Variants in TRPC4AP observed in about 807,000 individuals in gnomAD.
TRPC4AP encodes the protein transient receptor potential cation channel subfamily C member 4 associated protein.
TRPC4AP carries 45 observed loss-of-function variants against 99.0 expected under a neutral mutation model. The observed-to-expected ratio is 0.45, with a 90% CI of 0.36 to 0.58. The LOEUF (loss-of-function observed/expected upper bound fraction) is 0.58, where lower values mean the gene tolerates loss of function less well. Among genes scored for constraint, TRPC4AP ranks in the 20% least tolerant of loss-of-function variants. TRPC4AP has a pLI of 0.00. For missense variants in TRPC4AP, 879 were observed against 985.3 expected, an observed-to-expected ratio of 0.89 and a Z score of 1.44; for synonymous variants, 408 against 385.8, an observed-to-expected ratio of 1.06 and a Z score of -0.67.
At chr20:35,018,621 AAAAAAG>A (rs1376977969) in intron 9 of TRPC4AP, among the ~76,000 whole-genome samples, 5 of 151,284 alleles carry the variant, frequency 3.3e-5, no homozygotes, top group African/African-American at 1.2e-4. Context: ...AAAAAAAAAA[AAAAAAG>A]AAAGAAAGAA....
intron 6 of TRPC4AP, among the ~76,000 whole-genome samples, chr20:35,048,327 T>G (rs942111021): frequency 6.6e-6 from 1 of 151,846 alleles, no homozygotes; most frequent in African/African-American, 2.4e-5. Context: ...TTCTCATGCC[T>G]TAGCCTCCCA....
chr20:35,078,214 T>C, intron 1 of TRPC4AP, 40 bp from the exon 2 acceptor site: 1 of 1,596,414 alleles, frequency 6.3e-7, no homozygotes, highest in Non-Finnish European at 8.6e-7. Context: ...ATTGTATTAT[T>C]GATGATAATA....
intron 14 of TRPC4AP, 99 bp from the exon 15 acceptor site, chr20:35,006,674 G>A: frequency 6.8e-7 from 1 of 1,478,450 alleles, no homozygotes; most frequent in Admixed American, 2.0e-5. Context: ...CAAGCATCCT[G>A]GGGATGGAAC....
In TRPC4AP at chr20:35,083,450, A is replaced by AT. The variant is rs201750864; in HGVS notation, c.169-5277_169-5276insA. On this transcript the variant is annotated intron_variant, in intron 1 of 18. Transcript: ENST00000252015. ...CCCCATCTCTACTAAAAATACCAAA[A>AT]AAAAAAAAATTAGCTGGGCGTGATG... Among the ~76,000 whole-genome samples, 1,097 of 151,636 alleles carry AT rather than the reference A, an allele frequency of 7.2e-3. 4 individuals carry two copies. The highest frequency in any genetic ancestry group is 0.01 in the Non-Finnish European group (709 of 67,894).
chr20:35,020,872 T>C (rs1464828066), intron 9 of TRPC4AP, among the ~76,000 whole-genome samples: 1 of 152,154 alleles, frequency 6.6e-6, no homozygotes, highest in African/African-American at 2.4e-5. Context: ...GCAACTCCTC[T>C]AGCATGTCCA....
At chr20:35,038,430 G>A (rs531097503) in intron 7 of TRPC4AP, among the ~76,000 whole-genome samples, 2 of 151,670 alleles carry the variant, frequency 1.3e-5, no homozygotes, top group East Asian at 1.9e-4. Flanking sequence ...CATTAATGGG[G>A]GACTAATTAA....
intron 1 of TRPC4AP, among the ~76,000 whole-genome samples, chr20:35,083,490 T>G (rs1436127664): frequency 2.0e-5 from 3 of 151,068 alleles, no homozygotes; most frequent in Non-Finnish European, 2.9e-5. Flanking sequence ...GCGCCTGTAA[T>G]CCCAGCTACT....
intron 6 of TRPC4AP, among the ~76,000 whole-genome samples, chr20:35,047,778 A>G (rs887870434): frequency 3.3e-5 from 5 of 152,172 alleles, no homozygotes; most frequent in African/African-American, 4.8e-5. Context: ...CTGACTTTAC[A>G]ACCTTCTGGG....
At position 35,003,210 on chromosome 20, in the gene TRPC4AP, G is replaced by C. The variant is rs117729108; in HGVS notation, c.2330C>G (p.Ser777Cys). 1,876 of 1,614,256 alleles carry C rather than the reference G, an allele frequency of 1.2e-3. 34 individuals are homozygous for C. The East Asian group carries it at 0.036, about 31-fold the overall frequency. ...CTCCTCAATGTAGCTAACGAGAGCAGAGGGTGACTGCCGGTCCGGGTTCAA... is the reference window on the plus strand; with the variant it reads ...CTCCTCAATGTAGCTAACGAGAGCACAGGGTGACTGCCGGTCCGGGTTCAA... ...ILLNPDRQSP[S>C]ALVSYIEEPY... The change falls in exon 19 of 19, where the codon TCT (serine) becomes TGT (cysteine). Residue 777 changes from serine to cysteine, a missense_variant. Physicochemically the swap from Ser to Cys is moderately radical, Grantham distance 112. Transcript: ENST00000252015.
chr20:35,035,750 T>C (rs538819995), intron 7 of TRPC4AP, among the ~76,000 whole-genome samples: 1 of 152,344 alleles, frequency 6.6e-6, no homozygotes, highest in East Asian at 1.9e-4. Context: ...ATTTATACAA[T>C]GGAATACTGC....
chr20:35,092,782 G>A lies in TRPC4AP; in HGVS notation c.-1C>T, dbSNP rs551358134. The A allele has an allele frequency of 3.3e-4, 509 of 1,529,974 alleles. No individual in the cohort carries two copies. In the African/African-American group the frequency reaches 6.4e-3, roughly 19 times the overall value. 94.8% of individuals were successfully genotyped at this position (1,529,974 alleles called of 1,614,324 possible). On this transcript the variant is annotated 5_prime_UTR_variant, in exon 1 of 19. Transcript: ENST00000252015. The stretch of plus-strand genomic sequence containing the variant: ...CAGCCGCTACCGGCGCCGCCGCCAT[G>A]TCTCCTCGTCGGACAAACAGGAAGC...
intron 1 of TRPC4AP, among the ~76,000 whole-genome samples, chr20:35,079,723 G>A (rs963210284): frequency 6.6e-6 from 1 of 152,120 alleles, no homozygotes; most frequent in African/African-American, 2.4e-5. Flanking sequence ...GACTTCGAAG[G>A]ATGATAAAGG....
At chr20:35,084,753 C>CAT (rs2084786217) in intron 1 of TRPC4AP, among the ~76,000 whole-genome samples, 1 of 144,344 alleles carries the variant, frequency 6.9e-6, no homozygotes. Flanking sequence ...TGTTTATATG[C>CAT]ATATATATGT....
chr20:35,022,354 C>T (rs1350396159), intron 8 of TRPC4AP, among the ~76,000 whole-genome samples: 6 of 152,102 alleles, frequency 3.9e-5, no homozygotes, highest in Non-Finnish European at 7.4e-5. Flanking sequence ...TGGGGTTTCA[C>T]CATGTTGGCC....
At chr20:35,023,900 G>A (rs923426240) in intron 8 of TRPC4AP, among the ~76,000 whole-genome samples, 2 of 152,220 alleles carry the variant, frequency 1.3e-5, no homozygotes, top group African/African-American at 4.8e-5. Flanking sequence ...CCAACTTTTG[G>A]TGCCTGGCTT....
intron 8 of TRPC4AP, among the ~76,000 whole-genome samples, chr20:35,028,933 T>C (rs1167990438): frequency 6.6e-6 from 1 of 152,220 alleles, no homozygotes; most frequent in Admixed American, 6.5e-5. Context: ...TTTGCTCTGA[T>C]AACAGTTTTT....
At chr20:35,053,456 A>C (rs1487825199) in intron 5 of TRPC4AP, among the ~76,000 whole-genome samples, 1 of 152,228 alleles carries the variant, frequency 6.6e-6, no homozygotes, top group Non-Finnish European at 1.5e-5. Flanking sequence ...AGATGGAGTC[A>C]TTATATTATA....
chr20:35,082,506 A>T (rs1389443257), intron 1 of TRPC4AP, among the ~76,000 whole-genome samples: 3 of 152,222 alleles, frequency 2.0e-5, no homozygotes, highest in African/African-American at 7.2e-5. Flanking sequence ...GGATATATGA[A>T]AATATCCTGA....
intron 17 of TRPC4AP, among the ~76,000 whole-genome samples, chr20:35,003,986 G>A (rs781569322): frequency 4.1e-4 from 62 of 152,184 alleles, no homozygotes; most frequent in Non-Finnish European, 1.6e-4. Context: ...TGCGCGCCTC[G>A]GTGGGGAAAG....
Sources: allele counts gnomAD v4.1 joint callset (sites outside exome capture counted in the v4.1 genomes callset), GRCh38; gene constraint gnomAD v4.1.1; transcripts MANE v1.5; gene names NCBI Gene and HGNC (gene_info 2026-07-23, HGNC 2026-07-21).